CPVL: variants seen among roughly 807,000 people sequenced by gnomAD.
CPVL encodes the protein carboxypeptidase vitellogenic like.
Under a neutral mutation model 63.7 loss-of-function variants are expected in CPVL, and 51 were observed. The observed-to-expected ratio is 0.80, with a 90% CI of 0.64 to 1.01. The LOEUF (loss-of-function observed/expected upper bound fraction) is 1.01, where lower values mean the gene tolerates loss of function less well. CPVL is among the 50% of genes least tolerant of loss of function. CPVL has a pLI of 0.00. For synonymous variants in CPVL, 195 were observed against 206.0 expected, an observed-to-expected ratio of 0.95 and a Z score of 0.46; for missense variants, 530 against 573.1, an observed-to-expected ratio of 0.92 and a Z score of 0.77.
chr7:29,060,263 A>C (rs762684713), intron 11 of CPVL, among the ~76,000 whole-genome samples: 13 of 152,316 alleles, frequency 8.5e-5, no homozygotes, highest in Non-Finnish European at 1.8e-4. Context: ...TCACACATAA[A>C]TACTGTTTTT....
chr7:29,047,916 C>A (rs1290956351), intron 11 of CPVL, among the ~76,000 whole-genome samples: 1 of 152,132 alleles, frequency 6.6e-6, no homozygotes, highest in East Asian at 1.9e-4. Context: ...CAATTATCAG[C>A]CAAGAATTTT....
At chr7:29,087,172 T>A (rs1334902655) in intron 6 of CPVL, among the ~76,000 whole-genome samples, 1 of 152,108 alleles carries the variant, frequency 6.6e-6, no homozygotes, top group Non-Finnish European at 1.5e-5. Flanking sequence ...ATGCCTATAA[T>A]ACCAGGACTT....
chr7:29,063,563 T>C (rs1309360781), intron 11 of CPVL, among the ~76,000 whole-genome samples: 1 of 152,108 alleles, frequency 6.6e-6, no homozygotes, highest in African/African-American at 2.4e-5. Context: ...GTGGTTAAAT[T>C]ATTTTATTTT....
intron 12 of CPVL, among the ~76,000 whole-genome samples, chr7:28,997,127 G>C (rs1359071480): frequency 6.6e-6 from 1 of 152,228 alleles, no homozygotes; most frequent in Admixed American, 6.5e-5. Flanking sequence ...AAGCTGTCAT[G>C]ATTCAGTGCC....
chr7:29,149,966 C>T (rs140035946), upstream of CPVL, among the ~76,000 whole-genome samples: 1,319 of 152,330 alleles, frequency 8.7e-3, 23 homozygotes, highest in African/African-American at 0.03. Flanking sequence ...AAGGCCACTT[C>T]ACTGCTGCAA....
At chr7:29,048,910 C>CTCCTGAA (rs1789883152) in intron 11 of CPVL, among the ~76,000 whole-genome samples, 1 of 151,474 alleles carries the variant, frequency 6.6e-6, no homozygotes, top group African/African-American at 2.4e-5. Flanking sequence ...ATTAAATAAC[C>CTCCTGAA]TGATCATTGG....
chr7:29,123,475 C>T (rs905820249), intron 1 of CPVL, among the ~76,000 whole-genome samples: 2 of 151,032 alleles, frequency 1.3e-5, no homozygotes, highest in African/African-American at 2.4e-5. Flanking sequence ...AGGGTAATGA[C>T]CTCTATGGCA....
chr7:29,146,806 TA>T (rs768438136), upstream of CPVL: 1,493 of 1,549,862 alleles, frequency 9.6e-4, 1 homozygote, highest in Middle Eastern at 3.2e-3. Flanking sequence ...GCTGCTATCT[TA>T]AAATTTCAAC....
chr7:29,030,440 A>T, intron 12 of CPVL, 137 bp downstream of exon 12: 1 of 791,348 alleles, frequency 1.3e-6, no homozygotes, highest in Non-Finnish European at 2.0e-6. Flanking sequence ...CTCTGTGGAA[A>T]GTAGGGCCAC....
chr7:29,042,421 AG>A (rs1359206368), intron 11 of CPVL, among the ~76,000 whole-genome samples: 1 of 152,060 alleles, frequency 6.6e-6, no homozygotes, highest in Non-Finnish European at 1.5e-5. Flanking sequence ...TGGGCAACAC[AG>A]CAATATCCTC....
intron 9 of CPVL, among the ~76,000 whole-genome samples, chr7:29,066,810 G>GTTGCATGCT (rs1208156844): frequency 6.6e-6 from 1 of 152,218 alleles, no homozygotes; most frequent in African/African-American, 2.4e-5. Flanking sequence ...AGTCAGCATG[G>GTTGCATGCT]TTGCATGCTT....
intron 9 of CPVL, among the ~76,000 whole-genome samples, chr7:29,068,930 G>A (rs796293035): frequency 1.2e-4 from 18 of 150,074 alleles, no homozygotes; most frequent in African/African-American, 3.9e-4. Context: ...TGATCCGCCC[G>A]CCTCGGCCTC....
intron 1 of CPVL, among the ~76,000 whole-genome samples, chr7:29,123,610 AAAAAAAAAAAAAAAAAAAATATATATAT>A (rs1010746764): frequency 2.1e-5 from 2 of 93,066 alleles, no homozygotes; most frequent in African/African-American, 4.6e-5. Context: ...AAAAAAAAAA[AAAAAAAAAAAAAAAAAAAATATATATAT>A]ATATATATAT....
In CPVL at chr7:29,096,087, T is replaced by C; in HGVS notation, c.403+16A>G. The C allele has an allele frequency of 1.3e-6, 2 of 1,586,816 alleles. No homozygotes were observed. Among genetic ancestry groups the C allele is most frequent in the Non-Finnish European group, 1.7e-6 (2 of 1,154,998 alleles). ...ATGAAAGATTCTATAGGAAATACAG[T>C]GCAAGGGATACTTACAGGTCATGTT... On this transcript the variant is annotated intron_variant, in intron 4 of 12. Coordinates refer to ENST00000265394, the MANE Select transcript of CPVL (RefSeq NM_031311.5).
chr7:29,141,976 C>T (rs539710483), intron 1 of CPVL, among the ~76,000 whole-genome samples: 1 of 152,082 alleles, frequency 6.6e-6, no homozygotes, highest in South Asian at 2.1e-4. Context: ...AATTACCTGG[C>T]TTCTGATCTG....
rs142341280 is a variant in CPVL, at chr7:29,087,951, G to A, written c.543-1401C>T. On this transcript the variant is annotated intron_variant, in intron 6 of 12. Coordinates refer to ENST00000265394, the MANE Select transcript of CPVL (RefSeq NM_031311.5). ...GCTTCTATGTTTGTGCTGGCAATAA[G>A]CTGGCTTTAGAGTGCAGATAAAAAT... 3.0e-4 allele frequency among the ~76,000 whole-genome samples: 46 copies of A among 152,322 alleles called. No homozygotes were observed. The East Asian group carries it at 8.3e-3, about 27-fold the overall frequency.
At chr7:29,088,639 T>C (rs1785447837) in intron 6 of CPVL, among the ~76,000 whole-genome samples, 1 of 152,188 alleles carries the variant, frequency 6.6e-6, no homozygotes, top group South Asian at 2.1e-4. Flanking sequence ...AAATAGAATC[T>C]AGAATCAAGC....
chr7:29,092,809 C>T, intron 5 of CPVL, 107 bp from the exon 6 acceptor site: 3 of 809,054 alleles, frequency 3.7e-6, no homozygotes, highest in Non-Finnish European at 6.3e-6. Flanking sequence ...AGGCCAAGCT[C>T]AGACTTCAGA....
chr7:29,117,325 T>C (rs1205699133), intron 2 of CPVL, among the ~76,000 whole-genome samples: 2 of 152,252 alleles, frequency 1.3e-5, no homozygotes, highest in Non-Finnish European at 2.9e-5. Context: ...ACAGGAGAGA[T>C]GTCAGTAGTC....
Sources: allele counts gnomAD v4.1 joint callset (sites outside exome capture counted in the v4.1 genomes callset), GRCh38; gene constraint gnomAD v4.1.1; transcripts MANE v1.5; gene names NCBI Gene and HGNC (gene_info 2026-07-23, HGNC 2026-07-21).